Variants in RASAL2 observed in about 807,000 individuals in gnomAD.
RASAL2 encodes ras GTPase-activating protein nGAP.
Under a neutral mutation model 128.9 loss-of-function variants are expected in RASAL2, and 58 were observed. The observed-to-expected ratio is 0.45, with a 90% CI of 0.36 to 0.56. The LOEUF (loss-of-function observed/expected upper bound fraction) is 0.56, where lower values mean the gene tolerates loss of function less well. Ranked by LOEUF, RASAL2 falls within the 20% of genes least tolerant of loss-of-function variation. RASAL2 has a pLI of 0.00. For synonymous variants in RASAL2, 561 were observed against 580.8 expected, an observed-to-expected ratio of 0.97 and a Z score of 0.49; for missense variants, 1,360 against 1,601.6, an observed-to-expected ratio of 0.85 and a Z score of 2.57.
intron 1 of RASAL2, among the ~76,000 whole-genome samples, chr1:178,106,638 T>A (rs1307689356): frequency 6.6e-6 from 1 of 152,202 alleles, no homozygotes; most frequent in Non-Finnish European, 1.5e-5. Flanking sequence ...GAAAATAAAA[T>A]TTATATTCCT....
intron 3 of RASAL2, among the ~76,000 whole-genome samples, chr1:178,334,917 A>G (rs1014705949): frequency 2.0e-5 from 3 of 152,136 alleles, no homozygotes; most frequent in Admixed American, 1.3e-4. Flanking sequence ...AGATTGCGCC[A>G]CTGCACTACA....
chr1:178,415,168 A>G (rs889532588), intron 4 of RASAL2, among the ~76,000 whole-genome samples: 4 of 151,938 alleles, frequency 2.6e-5, no homozygotes, highest in African/African-American at 9.7e-5. Flanking sequence ...TATTGGGTTT[A>G]GATCTTTCTT....
intron 1 of RASAL2, among the ~76,000 whole-genome samples, chr1:178,229,393 C>G (rs1261610149): frequency 6.6e-6 from 1 of 152,046 alleles, no homozygotes; most frequent in Non-Finnish European, 1.5e-5. Context: ...TGTCATTAGT[C>G]TCTTTGAAAC....
chr1:178,194,516 C>A (rs12036491), intron 1 of RASAL2: 14,100 of 162,360 alleles, frequency 0.087, 667 homozygotes, highest in Middle Eastern at 0.15. Context: ...TCTCTAAGCA[C>A]CAAGGTCTTG....
intron 2 of RASAL2, among the ~76,000 whole-genome samples, chr1:178,285,723 A>G (rs1272085938): frequency 3.9e-5 from 6 of 152,230 alleles, no homozygotes; most frequent in Non-Finnish European, 8.8e-5. Context: ...ATTTTAACCA[A>G]ATGTACTGTC....
intron 3 of RASAL2, among the ~76,000 whole-genome samples, chr1:178,371,118 T>G (rs1671675010): frequency 6.6e-6 from 1 of 151,492 alleles, no homozygotes; most frequent in African/African-American, 2.4e-5. Context: ...TTCTGCTTGA[T>G]TTTTCTCTGC....
chr1:178,387,533 C>T (rs1672653962), intron 3 of RASAL2, among the ~76,000 whole-genome samples: 1 of 150,300 alleles, frequency 6.7e-6, no homozygotes, highest in Non-Finnish European at 1.5e-5. Flanking sequence ...CCTCCCCCTA[C>T]CCCACAACAG....
At chr1:178,305,991 G>A (rs1667966278) in intron 3 of RASAL2, among the ~76,000 whole-genome samples, 1 of 152,202 alleles carries the variant, frequency 6.6e-6, no homozygotes, top group African/African-American at 2.4e-5. Flanking sequence ...GAAGAAGGGA[G>A]TGCTTAAGCA....
In RASAL2 at chr1:178,168,855, T is replaced by A. The variant is rs184192175; in HGVS notation, c.202+74161T>A. On this transcript the variant is annotated intron_variant, in intron 1 of 17. Coordinates refer to ENST00000367649, the MANE Select transcript of RASAL2 (RefSeq NM_170692.4). ...CCGAGTGTTTTGCAGCTCCTATGTA[T>A]ACACCAAAGTCTAATTTTAATATGT... 7.2e-5 allele frequency among the ~76,000 whole-genome samples: 11 copies of A among 152,280 alleles called. No individual in the cohort carries two copies. In the East Asian group the frequency reaches 2.1e-3, roughly 29 times the overall value.
intron 1 of RASAL2, among the ~76,000 whole-genome samples, chr1:178,165,655 A>T (rs1252709813): frequency 1.3e-5 from 2 of 152,146 alleles, no homozygotes; most frequent in African/African-American, 2.4e-5. Context: ...ATGGTGATTG[A>T]GTTTTTTATT....
intron 3 of RASAL2, among the ~76,000 whole-genome samples, chr1:178,334,888 G>A (rs1669512926): frequency 6.6e-6 from 1 of 151,958 alleles, no homozygotes; most frequent in Admixed American, 6.6e-5. Context: ...AACCCGGGAG[G>A]GAGAGTTGCA....
At chr1:178,311,507 C>T (rs182913215) in intron 3 of RASAL2, among the ~76,000 whole-genome samples, 93 of 151,970 alleles carry the variant, frequency 6.1e-4, no homozygotes, top group Middle Eastern at 6.8e-3. Flanking sequence ...CCTATACCTC[C>T]ACCTTAGTAT....
intron 3 of RASAL2, among the ~76,000 whole-genome samples, chr1:178,317,886 G>C (rs1321220693): frequency 6.6e-5 from 10 of 151,684 alleles, no homozygotes; most frequent in African/African-American, 2.2e-4. Flanking sequence ...TGTGATGTTA[G>C]GGTGTCAATT....
intron 3 of RASAL2, among the ~76,000 whole-genome samples, chr1:178,337,449 A>G (rs1193461522): frequency 2.0e-5 from 3 of 152,222 alleles, no homozygotes; most frequent in African/African-American, 7.2e-5. Flanking sequence ...TGAACTCTCA[A>G]AAGAATGCAG....
intron 1 of RASAL2, among the ~76,000 whole-genome samples, chr1:178,261,839 C>T (rs1015079278): frequency 6.6e-6 from 1 of 151,306 alleles, no homozygotes. Context: ...TTGCTTGAAC[C>T]TGGGAGGTGG....
intron 1 of RASAL2, among the ~76,000 whole-genome samples, chr1:178,126,702 G>C (rs894391491): frequency 4.6e-5 from 7 of 152,190 alleles, no homozygotes; most frequent in Non-Finnish European, 8.8e-5. Context: ...TTGCATTACT[G>C]TTTGGAAGTT....
intron 4 of RASAL2, among the ~76,000 whole-genome samples, chr1:178,405,696 C>T (rs995520802): frequency 6.6e-6 from 1 of 152,162 alleles, no homozygotes; most frequent in Non-Finnish European, 1.5e-5. Context: ...CCAGATGAGA[C>T]CTGTGTTGGA....
chr1:178,464,454 G>T, intron 15 of RASAL2, 42 bp downstream of exon 15: 1 of 1,602,574 alleles, frequency 6.2e-7, no homozygotes, highest in South Asian at 1.1e-5. Flanking sequence ...ATCCCAAAAT[G>T]ACAGGCCACT....
rs1662199721 is a variant in RASAL2, at chr1:178,183,825, A to G, written c.202+89131A>G. Reference sequence around the variant, plus strand: ...TTTTCAGACAGTTGTGTAAATACCTAGGAGCATGATTGCTGGATTATGTAG... The same window carrying G: ...TTTTCAGACAGTTGTGTAAATACCTGGGAGCATGATTGCTGGATTATGTAG... On this transcript the variant is annotated intron_variant, in intron 1 of 17. Coordinates refer to ENST00000367649, the MANE Select transcript of RASAL2 (RefSeq NM_170692.4). 2.6e-5 allele frequency among the ~76,000 whole-genome samples: 4 copies of G among 152,236 alleles called. No individual in the cohort carries two copies. In the South Asian group the frequency reaches 8.3e-4, roughly 31 times the overall value.
Sources: allele counts gnomAD v4.1 joint callset (sites outside exome capture counted in the v4.1 genomes callset), GRCh38; gene constraint gnomAD v4.1.1; transcripts MANE v1.5; gene names NCBI Gene and HGNC (gene_info 2026-07-23, HGNC 2026-07-21).